The following SLAIN1 variants were observed in gnomAD, a reference collection of about 807,000 sequenced individuals.
SLAIN1 encodes SLAIN motif-containing protein 1.
SLAIN1 carries 17 observed loss-of-function variants against 55.4 expected under a neutral mutation model. The ratio of observed to expected loss-of-function variants is 0.31; its 90% CI spans 0.21 to 0.46. SLAIN1 has a LOEUF of 0.46. SLAIN1 is among the 20% of genes least tolerant of loss of function. The pLI is 1.00. For synonymous variants in SLAIN1, 348 were observed against 337.4 expected (o/e 1.03, Z -0.35); for missense variants, 682 against 785.1 (o/e 0.87, Z 1.57).
At chr13:77,710,429 A>G (rs1052360892) in intron 1 of SLAIN1, among the ~76,000 whole-genome samples, 1 of 152,160 alleles carries the variant, frequency 6.6e-6, no homozygotes, top group African/African-American at 2.4e-5. Flanking sequence ...ACAAAAAAAC[A>G]TGGGTTGCAA....
chr13:77,753,884 T>C (rs1367890918), intron 5 of SLAIN1, among the ~76,000 whole-genome samples: 5 of 152,172 alleles, frequency 3.3e-5, no homozygotes, highest in African/African-American at 1.2e-4. Context: ...CTAAAGTAGT[T>C]TTTGTCCACT....
chr13:77,727,447 AAC>A (rs1491435969), intron 2 of SLAIN1, among the ~76,000 whole-genome samples: 11 of 151,284 alleles, frequency 7.3e-5, no homozygotes, highest in Non-Finnish European at 1.2e-4. Context: ...CAAAAAAAAA[AAC>A]AAAACAATTT....
At chr13:77,720,935 A>G (rs1238408322) in intron 2 of SLAIN1, among the ~76,000 whole-genome samples, 4 of 151,982 alleles carry the variant, frequency 2.6e-5, no homozygotes, top group African/African-American at 4.8e-5. Flanking sequence ...AAGGCATGTT[A>G]GGGTTAAAAC....
At chr13:77,721,642 A>G (rs1015215653) in intron 2 of SLAIN1, among the ~76,000 whole-genome samples, 7 of 152,058 alleles carry the variant, frequency 4.6e-5, no homozygotes, top group Admixed American at 1.3e-4. Context: ...TTTGTGGGCT[A>G]CATAATCTCT....
chr13:77,761,614 G>A (rs1296285913), intron 6 of SLAIN1, among the ~76,000 whole-genome samples: 3 of 152,172 alleles, frequency 2.0e-5, no homozygotes, highest in Admixed American at 6.5e-5. Context: ...TGTGTCAGGC[G>A]TATGTGCACA....
intron 5 of SLAIN1, among the ~76,000 whole-genome samples, chr13:77,754,720 A>AT (rs1348683847): frequency 6.6e-6 from 1 of 152,080 alleles, no homozygotes; most frequent in East Asian, 1.9e-4. Flanking sequence ...AGTGGATTAG[A>AT]TTTTCGGTGC....
At chr13:77,741,154 G>T in intron 2 of SLAIN1, 1 of 985,330 alleles carries the variant, frequency 1.0e-6, no homozygotes, top group African/African-American at 1.7e-5. Context: ...AGAACACGCA[G>T]TTACTGTAAT....
At chr13:77,736,049 C>T (rs1873101060) in intron 2 of SLAIN1, among the ~76,000 whole-genome samples, 1 of 152,074 alleles carries the variant, frequency 6.6e-6, no homozygotes, top group Admixed American at 6.6e-5. Flanking sequence ...AATGATAAGG[C>T]AGGCACACGC....
chr13:77,703,136 A>C (rs775157979), intron 1 of SLAIN1, among the ~76,000 whole-genome samples: 18 of 152,206 alleles, frequency 1.2e-4, no homozygotes, highest in Non-Finnish European at 2.4e-4. Context: ...GACAATTAAC[A>C]GAACATTGAG....
At chr13:77,740,867 C>T (rs1275205657) in intron 2 of SLAIN1, among the ~76,000 whole-genome samples, 1 of 152,082 alleles carries the variant, frequency 6.6e-6, no homozygotes, top group Non-Finnish European at 1.5e-5. Flanking sequence ...TGTCCTCCTC[C>T]TCCTCCACTG....
At chr13:77,748,240 C>G (rs1035621650) in intron 4 of SLAIN1, among the ~76,000 whole-genome samples, 1 of 151,706 alleles carries the variant, frequency 6.6e-6, no homozygotes, top group Non-Finnish European at 1.5e-5. Context: ...CTCTTACTAC[C>G]TTGAGATTTC....
intron 1 of SLAIN1, among the ~76,000 whole-genome samples, chr13:77,708,075 A>G (rs1465473153): frequency 6.6e-6 from 1 of 152,236 alleles, no homozygotes; most frequent in East Asian, 1.9e-4. Context: ...GAATTGGACT[A>G]TGGAGTATGA....
At position 77,698,569 on chromosome 13, in the gene SLAIN1, A is replaced by G. The variant is rs1458636836; in HGVS notation, c.626+30A>G. 1 of 1,381,736 alleles carries G rather than the reference A, an allele frequency of 7.2e-7. No individual in the cohort carries two copies. The highest frequency in any genetic ancestry group is 9.3e-7 in the Non-Finnish European group (1 of 1,073,672). 85.6% of individuals were successfully genotyped at this position (1,381,736 alleles called of 1,614,324 possible). On this transcript the variant is annotated intron_variant, in intron 1 of 6. Coordinates refer to ENST00000418532, the MANE Select transcript of SLAIN1 (RefSeq NM_001242868.2). This position sits in a 1 kb window ranked among gnomAD's most constrained non-coding sequence, Gnocchi z 4.1. ...TGCCTGGCTCCGCTCCTTCCCCGAG[A>G]CCCTGGCCTCGGGGGCTTCGGGCAC... is the stretch of plus-strand genomic sequence containing the variant.
At chr13:77,702,676 A>C (rs1045412254) in intron 1 of SLAIN1, among the ~76,000 whole-genome samples, 1 of 151,930 alleles carries the variant, frequency 6.6e-6, no homozygotes, top group African/African-American at 2.4e-5. Context: ...ACTAAAAATC[A>C]GATTATTTGT....
At chr13:77,753,161 C>T (rs376659443) in intron 4 of SLAIN1, 42 bp from the exon 5 acceptor site, 11 of 1,525,928 alleles carry the variant, frequency 7.2e-6, no homozygotes, top group Middle Eastern at 1.8e-4. Flanking sequence ...ACTTTGGTTG[C>T]ATAACATCTG....
rs144993567 is a variant in SLAIN1 at position 77,702,169 on chromosome 13, G to A, written c.626+3630G>A. On this transcript the variant is annotated intron_variant, in intron 1 of 6. Transcript: ENST00000418532. Reference sequence around the variant, plus strand: ...CATTTTCTTAATCCAGTCTATCATTGTTGGACATTTGGGTTGGTTCCAAGT... The same window carrying A: ...CATTTTCTTAATCCAGTCTATCATTATTGGACATTTGGGTTGGTTCCAAGT... 4.9e-3 allele frequency among the ~76,000 whole-genome samples: 745 copies of A among 151,488 alleles called. 6 individuals carry two copies. The highest frequency in any genetic ancestry group is 0.017 in the African/African-American group (713 of 41,210).
Position 77,760,918 on chromosome 13 carries a change from T to G in SLAIN1, c.1505T>G (p.Val502Gly). ...IRQPLKATAY[V>G]SPTVQGSSNM... ...CAGCCTCTTAAAGCCACAGCCTATG[T>G]GAGTCCAACCGTTCAAGGCAGCAGT... Residue 502 changes from valine to glycine, a missense_variant, in exon 6 of 7, where the codon GTG (valine) becomes GGG (glycine). Val to Gly is a moderately radical substitution (Grantham distance 109). Coordinates refer to ENST00000418532, the MANE Select transcript of SLAIN1 (RefSeq NM_001242868.2). 1.2e-6 allele frequency: 2 copies of G among 1,614,140 alleles called. No homozygotes were observed. The highest frequency in any genetic ancestry group is 8.5e-7 in the Non-Finnish European group (1 of 1,180,006).
chr13:77,754,721 T>C (rs186334701), intron 5 of SLAIN1, among the ~76,000 whole-genome samples: 22 of 152,272 alleles, frequency 1.4e-4, no homozygotes, highest in African/African-American at 5.3e-4. Flanking sequence ...GTGGATTAGA[T>C]TTTCGGTGCT....
intron 3 of SLAIN1, 52 bp from the exon 4 acceptor site, chr13:77,746,462 C>G (rs1358696444): frequency 2.8e-6 from 4 of 1,445,408 alleles, no homozygotes; most frequent in Non-Finnish European, 3.7e-6. Context: ...TTAATTATAA[C>G]TAAATGTTAG....
Sources: allele counts gnomAD v4.1 joint callset (sites outside exome capture counted in the v4.1 genomes callset), GRCh38; gene constraint gnomAD v4.1.1; non-coding constraint Gnocchi (gnomAD v3.1); transcripts MANE v1.5; gene names NCBI Gene and HGNC (gene_info 2026-07-23, HGNC 2026-07-21).